The following GRID2 variants were observed in gnomAD, a reference collection of about 807,000 sequenced individuals.
GRID2 encodes the protein glutamate ionotropic receptor delta type subunit 2, also known as glutamate receptor ionotropic, delta-2.
Under a neutral mutation model 114.8 loss-of-function variants are expected in GRID2, and 33 were observed. The ratio of observed to expected loss-of-function variants is 0.29; its 90% CI spans 0.22 to 0.38. GRID2 has a LOEUF of 0.38. Among genes scored for constraint, GRID2 ranks in the 10% least tolerant of loss-of-function variants. The probability of loss-of-function intolerance (pLI) is 1.00; values close to 1 mark genes in which losing one functional copy is unlikely to be tolerated. For missense variants in GRID2, 1,184 were observed against 1,257.7 expected (o/e 0.94, Z 0.89); for synonymous variants, 505 against 449.9 (o/e 1.12, Z -1.55).
At chr4:92,649,993 T>G (rs1187463285) in intron 2 of GRID2, among the ~76,000 whole-genome samples, 1 of 152,028 alleles carries the variant, frequency 6.6e-6, no homozygotes, top group Non-Finnish European at 1.5e-5. Flanking sequence ...GAGGAGCATA[T>G]TGAATGCATA....
intron 4 of GRID2, among the ~76,000 whole-genome samples, chr4:93,186,066 G>A (rs914571524): frequency 6.6e-6 from 1 of 152,126 alleles, no homozygotes. Context: ...TCCCTGAAAA[G>A]GACATGAACT....
At chr4:93,597,781 C>T (rs1027034702) in intron 13 of GRID2, among the ~76,000 whole-genome samples, 1 of 152,192 alleles carries the variant, frequency 6.6e-6, no homozygotes, top group Non-Finnish European at 1.5e-5. Context: ...TCTGCCTCAA[C>T]GAAAATCCTT....
At chr4:93,023,044 T>C (rs946381947) in intron 2 of GRID2, among the ~76,000 whole-genome samples, 1 of 151,776 alleles carries the variant, frequency 6.6e-6, no homozygotes, top group Non-Finnish European at 1.5e-5. Context: ...GTGCCATTGA[T>C]TTTAGGACAT....
At chr4:92,829,778 T>G (rs1741973130) in intron 2 of GRID2, among the ~76,000 whole-genome samples, 1 of 152,126 alleles carries the variant, frequency 6.6e-6, no homozygotes, top group Admixed American at 6.6e-5. Flanking sequence ...TCATGTCCTT[T>G]GCAGGGACAT....
At chr4:93,285,934 A>G (rs1561086072) in intron 8 of GRID2, among the ~76,000 whole-genome samples, 1 of 152,044 alleles carries the variant, frequency 6.6e-6, no homozygotes, top group African/African-American at 2.4e-5. Context: ...AGTGATTTTT[A>G]GTCTACTTAA....
chr4:93,155,449 TC>T (rs1474398077), intron 4 of GRID2, among the ~76,000 whole-genome samples: 1 of 151,968 alleles, frequency 6.6e-6, no homozygotes, highest in Non-Finnish European at 1.5e-5. Context: ...ACTCCTATTT[TC>T]CCCTGGAAGT....
chr4:93,180,517 A>T lies in GRID2; in HGVS notation c.736-26887A>T, dbSNP rs538995521. 1.6e-4 allele frequency among the ~76,000 whole-genome samples: 24 copies of T among 152,142 alleles called. 1 individual carries two copies. The East Asian group carries it at 4.7e-3, about 30-fold the overall frequency. ...GAAAACAGTGAAGTTTGTCATACCAATCACCTCTTCCTTTCACAAAAGGTT... is the reference window on the plus strand; with the variant it reads ...GAAAACAGTGAAGTTTGTCATACCATTCACCTCTTCCTTTCACAAAAGGTT... On this transcript the variant is annotated intron_variant, in intron 4 of 15. Transcript: ENST00000282020.
At chr4:93,358,893 A>C (rs1357423687) in intron 8 of GRID2, among the ~76,000 whole-genome samples, 1 of 152,068 alleles carries the variant, frequency 6.6e-6, no homozygotes, top group Admixed American at 6.6e-5. Context: ...GTCTGTTTTT[A>C]TTGGCTGTAT....
At chr4:92,704,723 T>TCTCTCTC (rs1734861937) in intron 2 of GRID2, among the ~76,000 whole-genome samples, 57 of 90,052 alleles carry the variant, frequency 6.3e-4, no homozygotes, top group Middle Eastern at 6.7e-3. Flanking sequence ...CTCTCTCTCT[T>TCTCTCTC]TCTCTCTCTC....
At chr4:92,484,796 T>C (rs1422762731) in intron 1 of GRID2, among the ~76,000 whole-genome samples, 1 of 152,002 alleles carries the variant, frequency 6.6e-6, no homozygotes. Flanking sequence ...TATGGAGTTG[T>C]ATATATTTGA....
chr4:93,236,817 A>G (rs1360783764), intron 7 of GRID2, among the ~76,000 whole-genome samples: 3 of 152,118 alleles, frequency 2.0e-5, no homozygotes, highest in African/African-American at 7.2e-5. Flanking sequence ...ATTTAAGCGT[A>G]TAATAATTTT....
intron 11 of GRID2, among the ~76,000 whole-genome samples, chr4:93,465,285 G>T (rs1182763050): frequency 6.6e-6 from 1 of 152,200 alleles, no homozygotes; most frequent in East Asian, 1.9e-4. Flanking sequence ...CACAAAGGAA[G>T]AAAGAAATTG....
intron 2 of GRID2, among the ~76,000 whole-genome samples, chr4:93,066,456 A>C (rs1248696701): frequency 6.6e-6 from 1 of 151,874 alleles, no homozygotes; most frequent in African/African-American, 2.4e-5. Flanking sequence ...TTTCCATGCT[A>C]TTTATAATTC....
At chr4:93,801,914 C>T (rs1278342126) in intron 1 of GRID2, among the ~76,000 whole-genome samples, 1 of 152,180 alleles carries the variant, frequency 6.6e-6, no homozygotes, top group Admixed American at 6.5e-5. Context: ...CTTACCCAGT[C>T]CCTACTCTGC....
chr4:93,601,708 C>T (rs878929566), intron 13 of GRID2, among the ~76,000 whole-genome samples: 1 of 152,060 alleles, frequency 6.6e-6, no homozygotes, highest in African/African-American at 2.4e-5. Context: ...TCCTTTGTTC[C>T]TCTGTCTTTA....
At chr4:92,969,674 G>A (rs1040357964) in intron 2 of GRID2, among the ~76,000 whole-genome samples, 1 of 151,654 alleles carries the variant, frequency 6.6e-6, no homozygotes, top group East Asian at 1.9e-4. Context: ...AAGCATTGGT[G>A]GATGTGCAAA....
At chr4:93,287,165 T>C (rs1753268150) in intron 8 of GRID2, among the ~76,000 whole-genome samples, 2 of 152,168 alleles carry the variant, frequency 1.3e-5, no homozygotes, top group African/African-American at 4.8e-5. Flanking sequence ...AGTAATTGAT[T>C]AAGTTGATTA....
Position 93,085,151 on chromosome 4 carries a change from C to G in GRID2, c.401C>G (p.Thr134Ser). The G allele has an allele frequency of 6.2e-7, 1 of 1,614,108 alleles. No homozygotes were observed. Among genetic ancestry groups the G allele is most frequent in the Non-Finnish European group, 8.5e-7 (1 of 1,180,010 alleles). Reference protein sequence around the residue: ...AGTPRSGCGLTRSNRNDDYTL... With the variant: ...AGTPRSGCGLSRSNRNDDYTL... ...ACCCCAAGGAGTGGCTGTGGACTCA[C>G]CCGGAGCAACAGGAATGATGACTAC... Residue 134 changes from threonine to serine, a missense_variant, in exon 3 of 16, where the codon ACC becomes AGC. Transcript: ENST00000282020.
intron 1 of GRID2, among the ~76,000 whole-genome samples, chr4:92,543,690 C>A (rs1381300678): frequency 6.6e-6 from 1 of 151,982 alleles, no homozygotes; most frequent in Non-Finnish European, 1.5e-5. Context: ...GGTGAATTAG[C>A]ACAAAAAAGT....
Sources: gnomAD v4.1 joint callset for allele counts (sites outside exome capture counted in the v4.1 genomes callset) on GRCh38, gnomAD v4.1.1 for gene constraint, MANE v1.5 for transcripts, NCBI Gene and HGNC (gene_info 2026-07-23, HGNC 2026-07-21) for gene names.